The following GRM8 variants were observed in gnomAD, a reference collection of about 807,000 sequenced individuals.
GRM8 encodes glutamate metabotropic receptor 8.
In GRM8, 47 loss-of-function variants were observed where a neutral mutation model predicts 87.2. The observed-to-expected ratio is 0.54, with a 90% confidence interval of 0.43 to 0.69. GRM8 has a LOEUF of 0.69. Ranked by LOEUF, GRM8 falls within the 30% of genes least tolerant of loss-of-function variation. The probability of loss-of-function intolerance (pLI) is 0.00; values close to 1 mark genes in which losing one functional copy is unlikely to be tolerated. For missense variants in GRM8, 1,019 were observed against 1,139.2 expected (o/e 0.89, Z 1.52); for synonymous variants, 396 against 404.5 (o/e 0.98, Z 0.25).
intron 6 of GRM8, among the ~76,000 whole-genome samples, chr7:126,804,176 T>C (rs373641535): frequency 6.6e-6 from 1 of 152,238 alleles, no homozygotes; most frequent in Non-Finnish European, 1.5e-5. Context: ...TTGTATTCCA[T>C]TGGCCTGATT....
At chr7:127,128,019 T>A (rs1362128890) in intron 2 of GRM8, among the ~76,000 whole-genome samples, 1 of 152,108 alleles carries the variant, frequency 6.6e-6, no homozygotes, top group African/African-American at 2.4e-5. Context: ...TATGCCCCAT[T>A]AGCTCTTACT....
At chr7:126,923,865 C>T (rs1456773565) in intron 3 of GRM8, among the ~76,000 whole-genome samples, 2 of 152,166 alleles carry the variant, frequency 1.3e-5, no homozygotes, top group African/African-American at 4.8e-5. Flanking sequence ...TTTGAGAAAG[C>T]TTCTTGGCAA....
chr7:126,947,071 A>G (rs182172061), intron 3 of GRM8, among the ~76,000 whole-genome samples: 25 of 152,288 alleles, frequency 1.6e-4, no homozygotes, highest in Admixed American at 6.5e-4. Context: ...GGGTTATTTT[A>G]GCACATCTTC....
At chr7:126,961,541 C>T (rs1252062267) in intron 3 of GRM8, among the ~76,000 whole-genome samples, 1 of 152,212 alleles carries the variant, frequency 6.6e-6, no homozygotes, top group Non-Finnish European at 1.5e-5. Context: ...CCTGTCAGCA[C>T]CATGGGATCC....
chr7:126,646,257 GGGAAAGAA>G (rs1159198071), intron 7 of GRM8, among the ~76,000 whole-genome samples: 2 of 87,148 alleles, frequency 2.3e-5, no homozygotes, highest in Non-Finnish European at 2.3e-5. Context: ...GAGAGAAGGA[GGGAAAGAA>G]GGAAGGAAGG....
intron 1 of GRM8, among the ~76,000 whole-genome samples, chr7:127,248,422 G>A (rs1018817096): frequency 2.6e-5 from 4 of 152,174 alleles, no homozygotes; most frequent in African/African-American, 9.7e-5. Flanking sequence ...ATGCCCCATG[G>A]GGGCAGGAGG....
intron 3 of GRM8, among the ~76,000 whole-genome samples, chr7:126,998,280 T>A (rs1813374345): frequency 6.6e-6 from 1 of 151,874 alleles, no homozygotes; most frequent in Non-Finnish European, 1.5e-5. Flanking sequence ...GTAAAATCCA[T>A]GTATAACAGA....
At chr7:126,832,188 A>T (rs562041608) in intron 6 of GRM8, among the ~76,000 whole-genome samples, 16 of 151,852 alleles carry the variant, frequency 1.1e-4, no homozygotes, top group African/African-American at 1.4e-4. Context: ...AAAAAAAAGA[A>T]AAAGAAAAGA....
chr7:127,180,648 C>T (rs535350318), intron 2 of GRM8, among the ~76,000 whole-genome samples: 2 of 152,102 alleles, frequency 1.3e-5, no homozygotes, highest in Non-Finnish European at 2.9e-5. Context: ...AGATAACCCA[C>T]CATGATCAAG....
intron 10 of GRM8, 33 bp downstream of exon 10, chr7:126,446,093 T>A: frequency 6.2e-7 from 1 of 1,611,892 alleles, no homozygotes; most frequent in Non-Finnish European, 8.5e-7. Context: ...GTGCTCCCGC[T>A]CTTGACCATC....
intron 1 of GRM8, among the ~76,000 whole-genome samples, chr7:127,248,115 T>A (rs1798673912): frequency 6.6e-6 from 1 of 152,196 alleles, no homozygotes; most frequent in South Asian, 2.1e-4. Context: ...ATTTTTCCAA[T>A]AACACAGCTA....
At chr7:126,562,566 T>G (rs1054011384) in intron 8 of GRM8, among the ~76,000 whole-genome samples, 1 of 152,202 alleles carries the variant, frequency 6.6e-6, no homozygotes, top group Non-Finnish European at 1.5e-5. Flanking sequence ...GAATCTAAAT[T>G]TAAACATGAA....
At chr7:126,890,142 A>C (rs1741920916) in intron 6 of GRM8, among the ~76,000 whole-genome samples, 2 of 152,136 alleles carry the variant, frequency 1.3e-5, no homozygotes, top group Non-Finnish European at 2.9e-5. Flanking sequence ...ACCAATAGCC[A>C]CATGTCACTA....
intron 3 of GRM8, among the ~76,000 whole-genome samples, chr7:126,945,543 T>G (rs1807446532): frequency 6.6e-6 from 1 of 152,156 alleles, no homozygotes; most frequent in African/African-American, 2.4e-5. Context: ...CCCAAAATTG[T>G]TAAAACATAC....
intron 3 of GRM8, among the ~76,000 whole-genome samples, chr7:127,026,551 T>C (rs1464265849): frequency 3.3e-5 from 5 of 152,228 alleles, no homozygotes; most frequent in African/African-American, 4.8e-5. Context: ...CTAACTGGCA[T>C]GAGATGGTAT....
chr7:126,677,858 A>C (rs547677294), intron 7 of GRM8, among the ~76,000 whole-genome samples: 1 of 152,346 alleles, frequency 6.6e-6, no homozygotes, highest in East Asian at 1.9e-4. Context: ...TAACAAATTA[A>C]AACAAACTAA....
At chr7:126,872,795 G>A (rs903892704) in intron 6 of GRM8, among the ~76,000 whole-genome samples, 5 of 151,960 alleles carry the variant, frequency 3.3e-5, no homozygotes, top group Non-Finnish European at 5.9e-5. Context: ...GTCCACCTCC[G>A]GGCAGCATTT....
chr7:126,977,102 C>T (rs1811069487), intron 3 of GRM8, among the ~76,000 whole-genome samples: 1 of 151,982 alleles, frequency 6.6e-6, no homozygotes. Flanking sequence ...CTCATTTTCA[C>T]CAAAATGTAT....
intron 3 of GRM8, among the ~76,000 whole-genome samples, chr7:127,043,941 C>T (rs1427070487): frequency 1.3e-5 from 2 of 152,090 alleles, no homozygotes; most frequent in Non-Finnish European, 2.9e-5. Context: ...CTGGAGAATA[C>T]CAAAGACAAA....
Sources: gnomAD v4.1 joint callset for allele counts (sites outside exome capture counted in the v4.1 genomes callset) on GRCh38, gnomAD v4.1.1 for gene constraint, MANE v1.5 for transcripts, NCBI Gene and HGNC (gene_info 2026-07-23, HGNC 2026-07-21) for gene names.